The following AFTPH variants were observed in gnomAD, a reference collection of about 807,000 sequenced individuals.
AFTPH encodes aftiphilin.
AFTPH carries 7 observed loss-of-function variants against 72.5 expected under a neutral mutation model. The ratio of observed to expected loss-of-function variants is 0.10; its 90% CI spans 0.05 to 0.18. The LOEUF is 0.18. Among genes scored for constraint, AFTPH ranks in the 10% least tolerant of loss-of-function variants. AFTPH has a pLI of 1.00. For missense variants in AFTPH, 979 were observed against 1,060.5 expected, an observed-to-expected ratio of 0.92 and a Z score of 1.07; for synonymous variants, 337 against 370.1, an observed-to-expected ratio of 0.91 and a Z score of 1.03.
At chr2:64,578,246 TTACC>T (rs770465750) in intron 6 of AFTPH, among the ~76,000 whole-genome samples, 16 of 152,324 alleles carry the variant, frequency 1.1e-4, no homozygotes, top group Admixed American at 5.9e-4. Context: ...GCAAGTGATC[TTACC>T]TACCTACGCA....
exon 4 of AFTPH, chr2:64,569,095 A>G (rs1276901272): frequency 6.2e-7 from 1 of 1,613,988 alleles, no homozygotes; most frequent in Non-Finnish European, 8.5e-7. Context: ...TTTGCAGGGA[A>G]TTGCTAGATG....
At chr2:64,525,882 T>C (rs577368045) in intron 1 of AFTPH, among the ~76,000 whole-genome samples, 2 of 152,230 alleles carry the variant, frequency 1.3e-5, no homozygotes, top group Non-Finnish European at 2.9e-5. Flanking sequence ...ATATTTCACA[T>C]GGATTAAAAG....
At chr2:64,587,173 G>A (rs2104249111) in intron 8 of AFTPH, among the ~76,000 whole-genome samples, 1 of 152,266 alleles carries the variant, frequency 6.6e-6, no homozygotes, top group Non-Finnish European at 1.5e-5. Flanking sequence ...ACTTTAAGAA[G>A]CTATTTTCAT....
chr2:64,592,717 GA>G (rs1436595195), exon 9 of AFTPH: 2 of 152,548 alleles, frequency 1.3e-5, no homozygotes, highest in African/African-American at 4.8e-5. Flanking sequence ...CAAATTATAT[GA>G]ATGTCTTACA....
intron 1 of AFTPH, among the ~76,000 whole-genome samples, chr2:64,542,021 T>TA (rs891258446): frequency 6.6e-6 from 1 of 152,140 alleles, no homozygotes; most frequent in Non-Finnish European, 1.5e-5. Context: ...CTGGTCCCTA[T>TA]AAAAATAAGT....
At chr2:64,540,294 A>G (rs971615109) in intron 1 of AFTPH, among the ~76,000 whole-genome samples, 4 of 152,158 alleles carry the variant, frequency 2.6e-5, no homozygotes, top group Non-Finnish European at 5.9e-5. Flanking sequence ...GGATGCTTCC[A>G]TTTTGTTGCC....
chr2:64,560,149 C>T (rs914284856), intron 2 of AFTPH, among the ~76,000 whole-genome samples: 1 of 152,080 alleles, frequency 6.6e-6, no homozygotes, highest in Non-Finnish European at 1.5e-5. Flanking sequence ...GTGACTAAAA[C>T]GTGCCAGTCG....
chr2:64,550,728 CACAA>C (rs1317423182), intron 1 of AFTPH, among the ~76,000 whole-genome samples: 18 of 141,994 alleles, frequency 1.3e-4, no homozygotes, highest in South Asian at 6.7e-4. Context: ...CACACACACA[CACAA>C]CTGGTGAAAT....
chr2:64,568,988 G>C (rs1672258016), intron 3 of AFTPH, 104 bp from the exon 4 acceptor site: 1 of 1,244,148 alleles, frequency 8.0e-7, no homozygotes, highest in East Asian at 2.3e-5. Flanking sequence ...TTGGACCCAA[G>C]AGTAAATGGA....
At chr2:64,551,409 T>A in intron 1 of AFTPH, 34 bp from the exon 2 acceptor site, 1 of 1,484,732 alleles carries the variant, frequency 6.7e-7, no homozygotes. Context: ...ATGTAATCTG[T>A]CCCCTCCAAA....
In AFTPH at chr2:64,571,428, G is replaced by T. The variant is rs576125217; in HGVS notation, c.2272-1518G>T. 6.6e-5 allele frequency among the ~76,000 whole-genome samples: 10 copies of T among 152,276 alleles called. No homozygotes were observed. The South Asian group carries it at 2.1e-3, about 32-fold the overall frequency. ...ACAAACTTGGCTGAAACTAGTAATT[G>T]TTTGCCAAATGTATCGTCTCTGCAT... On this transcript the variant is annotated intron_variant, in intron 5 of 8. Transcript: ENST00000238856.
chr2:64,555,649 A>G (rs763493434), intron 2 of AFTPH, among the ~76,000 whole-genome samples: 2 of 151,592 alleles, frequency 1.3e-5, no homozygotes, highest in Non-Finnish European at 2.9e-5. Flanking sequence ...TATTTTTGCT[A>G]ATGGGTTATG....
At chr2:64,574,533 T>A (rs1352291708) in intron 6 of AFTPH, among the ~76,000 whole-genome samples, 1 of 152,236 alleles carries the variant, frequency 6.6e-6, no homozygotes, top group Non-Finnish European at 1.5e-5. Flanking sequence ...AACTAGTGTT[T>A]TGAAGAACAT....
intron 8 of AFTPH, 80 bp downstream of exon 9, chr2:64,585,625 A>G (rs1408127899): frequency 1.4e-6 from 2 of 1,467,910 alleles, no homozygotes; most frequent in Non-Finnish European, 1.8e-6. Flanking sequence ...GTCAGTTGAC[A>G]GCATTTCAAT....
intron 8 of AFTPH, 96 bp downstream of exon 9, chr2:64,585,641 A>AT (rs1376295734): frequency 5.2e-6 from 7 of 1,355,514 alleles, no homozygotes; most frequent in Non-Finnish European, 6.9e-6. Context: ...TCAATATATT[A>AT]TATCACAACT....
At chr2:64,559,856 G>A (rs986618499) in intron 2 of AFTPH, among the ~76,000 whole-genome samples, 5 of 151,930 alleles carry the variant, frequency 3.3e-5, no homozygotes, top group African/African-American at 9.7e-5. Context: ...AGGTGTGTGC[G>A]ACCACACCTG....
intron 2 of AFTPH, among the ~76,000 whole-genome samples, chr2:64,553,699 T>C (rs1408488885): frequency 1.0e-5 from 1 of 96,146 alleles, no homozygotes; most frequent in Non-Finnish European, 2.0e-5. Context: ...ATACCATATA[T>C]GTTAAAAAAA....
exon 2 of AFTPH, chr2:64,552,750 G>A (rs765085624): frequency 6.2e-7 from 1 of 1,614,196 alleles, no homozygotes; most frequent in South Asian, 1.1e-5. Flanking sequence ...GACTTGCAAT[G>A]ATATCAATGA....
At chr2:64,579,274 T>TTTAAATGTCAATAACCTG (rs1380160613) in intron 6 of AFTPH, among the ~76,000 whole-genome samples, 1 of 152,228 alleles carries the variant, frequency 6.6e-6, no homozygotes, top group Non-Finnish European at 1.5e-5. Context: ...GATACAACTT[T>TTTAAATGTCAATAACCTG]TTAAATGTCA....
Sources: allele counts gnomAD v4.1 joint callset (sites outside exome capture counted in the v4.1 genomes callset), GRCh38; gene constraint gnomAD v4.1.1; transcripts MANE v1.5; gene names NCBI Gene and HGNC (gene_info 2026-07-23, HGNC 2026-07-21).